BAHCC1: variants seen among roughly 807,000 people sequenced by gnomAD.
BAHCC1 encodes the protein BAH domain and coiled-coil containing 1, also known as BAH and coiled-coil domain-containing protein 1.
In BAHCC1, 43 loss-of-function variants were observed where a neutral mutation model predicts 88.2. The observed-to-expected ratio is 0.49, with a 90% CI of 0.38 to 0.63. The LOEUF (loss-of-function observed/expected upper bound fraction) is 0.63, where lower values mean the gene tolerates loss of function less well. Among genes scored for constraint, BAHCC1 ranks in the 20% least tolerant of loss-of-function variants. The pLI is 0.00. For missense variants in BAHCC1, 3,023 were observed against 1,654.8 expected, an observed-to-expected ratio of 1.83 and a Z score of -14.34; for synonymous variants, 1,510 against 745.5, an observed-to-expected ratio of 2.03 and a Z score of -16.71.
chr17:81,451,676 G>A lies in BAHCC1; in HGVS notation c.3985G>A (p.Glu1329Lys), dbSNP rs1555655769. The A allele has an allele frequency of 1.3e-6, 1 of 776,114 alleles. No homozygotes were observed. Among genetic ancestry groups the A allele is most frequent in the Non-Finnish European group, 2.4e-6 (1 of 417,650 alleles). The allele number at this position is 776,114 out of a possible 1,614,324, so 48.1% of individuals were successfully genotyped here. A position where few individuals can be genotyped will look rare whatever the true frequency, so the allele number is the denominator to read the frequency against. Residue 1329 changes from glutamate to lysine, a missense_variant, in exon 12 of 28, where the codon GAG (glutamate) becomes AAG (lysine). Glu to Lys is a moderately conservative substitution (Grantham distance 56, BLOSUM62 1). Transcript: ENST00000675386. ...CTTCCCATGCCGCACAGAGGAGGAA[G>A]AGGACGTGCTAGCCTTCAACCTGCA... ...RSERTVPEEE[E>K]DVLAFNLQHL...
chr17:81,432,891 C>A (rs1414406864), intron 3 of BAHCC1, among the ~76,000 whole-genome samples: 29 of 12,810 alleles, frequency 2.3e-3, no homozygotes, highest in Non-Finnish European at 4.5e-3. Flanking sequence ...AACCTCCCCC[C>A]CCATCCCCAG....
chr17:81,457,064 C>T (rs1230229780), intron 16 of BAHCC1, among the ~76,000 whole-genome samples: 2 of 151,998 alleles, frequency 1.3e-5, no homozygotes, highest in African/African-American at 4.8e-5. Context: ...AAGGGAGGGC[C>T]GCTTGGGGCT....
At chr17:81,416,634 G>A (rs202227702) in intron 2 of BAHCC1, among the ~76,000 whole-genome samples, 1 of 152,164 alleles carries the variant, frequency 6.6e-6, no homozygotes, top group Non-Finnish European at 1.5e-5. Flanking sequence ...ATGAGGATGG[G>A]TGTATGCACA....
In BAHCC1 at chr17:81,414,232, G is replaced by C. The variant is rs76294303; in HGVS notation, c.179-12568G>C. 6.4e-4 allele frequency among the ~76,000 whole-genome samples: 97 copies of C among 152,358 alleles called. 1 individual carries two copies. Among genetic ancestry groups the C allele is most frequent in the Non-Finnish European group, 7.3e-4 (50 of 68,038 alleles). ...GGACCTGTGCTGGGGCAGGGGCAAC[G>C]GTGTGGGGGCACCTCCTTCAGCGAG... On this transcript the variant is annotated intron_variant, in intron 2 of 27. Transcript: ENST00000675386.
At chr17:81,426,000 G>T (rs74600842) in intron 2 of BAHCC1, among the ~76,000 whole-genome samples, 4,939 of 144,396 alleles carry the variant, frequency 0.034, 322 homozygotes, top group African/African-American at 0.12. Flanking sequence ...TGGTGATGAT[G>T]TGGTTGGGGG....
At chr17:81,462,161 A>G (rs944650213) in intron 26 of BAHCC1, 115 bp downstream of exon 26, 1 of 600,932 alleles carries the variant, frequency 1.7e-6, no homozygotes. Context: ...ATTTCAAGTT[A>G]AAAAATGTGG....
chr17:81,452,700 A>G, intron 13 of BAHCC1, 23 bp from the exon 14 acceptor site: 1 of 739,304 alleles, frequency 1.4e-6, no homozygotes, highest in Non-Finnish European at 2.5e-6. Flanking sequence ...TGAGCCTCTG[A>G]CCATCCCCCC....
Position 81,438,413 on chromosome 17 carries a change from C to G in BAHCC1, c.402C>G (p.Phe134Leu). 1 of 778,700 alleles carries G rather than the reference C, an allele frequency of 1.3e-6. No homozygotes were observed. The highest frequency in any genetic ancestry group is 1.3e-5 in the South Asian group (1 of 74,382). 48.2% of individuals were successfully genotyped at this position (778,700 alleles called of 1,614,324 possible). The part of the protein sequence containing the change: ...PRFSGSLAST[F>L]LPVSHLDHHG... Reference sequence around the variant, plus strand: ...TTTCGGGGAGTCTGGCATCCACCTTCCTACCCGTGAGCCACTTGGATCACC... The same window carrying G: ...TTTCGGGGAGTCTGGCATCCACCTTGCTACCCGTGAGCCACTTGGATCACC... Residue 134 changes from phenylalanine (F) to leucine (L), a missense_variant, in exon 4 of 28, where the codon TTC (phenylalanine) becomes TTG (leucine). Transcript: ENST00000675386.
rs552073021 is a variant in BAHCC1, at chr17:81,438,864, A to T, written c.481+372A>T. Among the ~76,000 whole-genome samples the T allele has an allele frequency of 2.6e-5, 4 of 151,958 alleles. No individual in the cohort carries two copies. In the South Asian group the frequency reaches 8.3e-4, roughly 32 times the overall value. Reference sequence around the variant, plus strand: ...GATGGTGGGGTGGCTCAGGAGGAGGATGCATCCTGTGGGGGCTGGAGGAAG... The same window carrying T: ...GATGGTGGGGTGGCTCAGGAGGAGGTTGCATCCTGTGGGGGCTGGAGGAAG... On this transcript the variant is annotated intron_variant, in intron 4 of 27. Coordinates refer to ENST00000675386, the MANE Select transcript of BAHCC1 (RefSeq NM_001377448.1).
At position 81,459,193 on chromosome 17, in the gene BAHCC1, G is replaced by A. The variant is rs188200281; in HGVS notation, c.5720+25G>A. ...TGTGAGGCCTGGGCATGGTGGGGCA[G>A]GGCAGGGGCCTGGAGGGCAACCGAG... On this transcript the variant is annotated intron_variant, in intron 21 of 27. Coordinates refer to ENST00000675386, the MANE Select transcript of BAHCC1 (RefSeq NM_001377448.1). 1.4e-3 allele frequency: 1,066 copies of A among 769,538 alleles called. 3 individuals are homozygous for A. The highest frequency in any genetic ancestry group is 2.4e-3 in the Non-Finnish European group (971 of 412,788). The allele number at this position is 769,538 out of a possible 1,614,324, so 47.7% of individuals were successfully genotyped here. A position where few individuals can be genotyped will look rare whatever the true frequency, so the allele number is the denominator to read the frequency against.
intron 1 of BAHCC1, among the ~76,000 whole-genome samples, chr17:81,398,527 C>T (rs972432268): frequency 6.6e-6 from 1 of 152,230 alleles, no homozygotes; most frequent in Non-Finnish European, 1.5e-5. Context: ...CCTCTGCTCG[C>T]GGTCCCCGGC....
At chr17:81,402,590 C>T (rs145304205) in intron 2 of BAHCC1, 1 of 152,350 alleles carries the variant, frequency 6.6e-6, no homozygotes, top group Non-Finnish European at 1.5e-5. Flanking sequence ...GCTGACTGCC[C>T]CTTGGAAAGG....
rs989567394 is a variant in BAHCC1 at position 81,434,125 on chromosome 17, C to T, written c.359-4245C>T. On this transcript the variant is annotated intron_variant, in intron 3 of 27. Coordinates refer to ENST00000675386, the MANE Select transcript of BAHCC1 (RefSeq NM_001377448.1). This position sits in a 1 kb window ranked among gnomAD's most constrained non-coding sequence, Gnocchi z 4.9. ...GTAACAGGGGATCTGGCAGAGTTGG[C>T]AGGAGGTGGGGGAGGGGTGTCTGCT... 1.3e-5 allele frequency among the ~76,000 whole-genome samples: 2 copies of T among 152,090 alleles called. No homozygotes were observed. The highest frequency in any genetic ancestry group is 2.4e-5 in the African/African-American group (1 of 41,408).
At position 81,447,522 on chromosome 17, in the gene BAHCC1, G is replaced by T; in HGVS notation, c.3650G>T (p.Gly1217Val). Residue 1217 changes from glycine to valine, a missense_variant, in exon 11 of 28, where the codon GGG (glycine) becomes GTG (valine). Coordinates refer to ENST00000675386, the MANE Select transcript of BAHCC1 (RefSeq NM_001377448.1). ...AGSPGALEDE[G>V]EQPAPEEDEL... ...AGTCCGGGTGCCCTTGAGGACGAGGGGGAGCAGCCGGCCCCTGAGGAGGAC... is the reference window on the plus strand; with the variant it reads ...AGTCCGGGTGCCCTTGAGGACGAGGTGGAGCAGCCGGCCCCTGAGGAGGAC... 2 of 752,148 alleles carry T rather than the reference G, an allele frequency of 2.7e-6. No individual in the cohort carries two copies. The highest frequency in any genetic ancestry group is 2.5e-5 in the East Asian group (1 of 39,970). The allele number at this position is 752,148 out of a possible 1,614,324, so 46.6% of individuals were successfully genotyped here.
chr17:81,414,846 C>T (rs1371450101), intron 2 of BAHCC1, among the ~76,000 whole-genome samples: 2 of 152,166 alleles, frequency 1.3e-5, no homozygotes, highest in African/African-American at 4.8e-5. Context: ...CTCCCCTGAT[C>T]GCTGCCACGC....
chr17:81,450,591 G>A (rs568895331), intron 11 of BAHCC1, among the ~76,000 whole-genome samples: 1 of 152,330 alleles, frequency 6.6e-6, no homozygotes, highest in African/African-American at 2.4e-5. Context: ...CCTCCTGCCT[G>A]CCCCAGGGCT....
chr17:81,437,577 G>A (rs1164023285), intron 3 of BAHCC1, among the ~76,000 whole-genome samples: 2 of 152,226 alleles, frequency 1.3e-5, no homozygotes, highest in Non-Finnish European at 2.9e-5. Context: ...GCCCCACACA[G>A]CCAGAGCTGT....
intron 2 of BAHCC1, among the ~76,000 whole-genome samples, chr17:81,416,080 G>T (rs1021984947): frequency 6.6e-6 from 1 of 150,704 alleles, no homozygotes. Context: ...GTGTATGTGC[G>T]TGTGTGCGTG....
chr17:81,445,717 C>A, intron 10 of BAHCC1, 36 bp downstream of exon 10: 1 of 709,496 alleles, frequency 1.4e-6, no homozygotes, highest in Non-Finnish European at 2.6e-6. Flanking sequence ...CACTGTGCTC[C>A]GCTCCAAGCC....
Sources: allele counts gnomAD v4.1 joint callset (sites outside exome capture counted in the v4.1 genomes callset), GRCh38; gene constraint gnomAD v4.1.1; non-coding constraint Gnocchi (gnomAD v3.1); transcripts MANE v1.5; gene names NCBI Gene and HGNC (gene_info 2026-07-23, HGNC 2026-07-21).